Variants in KANSL3 observed in about 807,000 individuals in gnomAD.
The protein encoded by KANSL3 is NSL complex protein NSL3.
A neutral mutation model predicts 89.2 loss-of-function variants in KANSL3; 16 were observed. The ratio of observed to expected loss-of-function variants is 0.18; its 90% CI spans 0.12 to 0.27. The LOEUF is 0.27. Among genes scored for constraint, KANSL3 ranks in the 10% least tolerant of loss-of-function variants. The pLI, the probability that KANSL3 is intolerant of heterozygous loss-of-function variation, is 1.00. For missense variants in KANSL3, 879 were observed against 1,110.6 expected (o/e 0.79, Z 2.96); for synonymous variants, 385 against 419.7 (o/e 0.92, Z 1.01).
chr2:96,612,633 C>T, intron 7 of KANSL3, 70 bp from the exon 8 acceptor site: 2 of 1,378,962 alleles, frequency 1.5e-6, no homozygotes, highest in Non-Finnish European at 2.0e-6. Context: ...TTTAACCTAA[C>T]CTAAACCCAA....
intron 3 of KANSL3, among the ~76,000 whole-genome samples, chr2:96,627,255 C>T (rs1312517216): frequency 4.0e-5 from 6 of 151,656 alleles, no homozygotes; most frequent in Non-Finnish European, 7.4e-5. Flanking sequence ...TGCTCTGTTG[C>T]CCGGGCTGGA....
chr2:96,618,240 G>C (rs1426231344), intron 5 of KANSL3, among the ~76,000 whole-genome samples: 1 of 151,764 alleles, frequency 6.6e-6, no homozygotes, highest in African/African-American at 2.4e-5. Context: ...TTAGAGACAG[G>C]GACTCCCTCT....
the KANSL3 span, among the ~76,000 whole-genome samples, chr2:96,581,558 T>A: frequency 6.6e-6 from 1 of 152,196 alleles, no homozygotes; most frequent in African/African-American, 2.4e-5. Context: ...TGCTTCAACA[T>A]GCTGCTTTTT....
intron 3 of KANSL3, among the ~76,000 whole-genome samples, chr2:96,621,671 T>C (rs2105881159): frequency 6.6e-6 from 1 of 151,514 alleles, no homozygotes; most frequent in South Asian, 2.1e-4. Flanking sequence ...ATTTAAAAAG[T>C]ATAAACAAGG....
intron 3 of KANSL3, chr2:96,628,473 A>C (rs529933458): frequency 5.5e-6 from 1 of 182,580 alleles, no homozygotes; most frequent in Non-Finnish European, 1.2e-5. Context: ...AACATGGTGA[A>C]ACCCAATCTC....
At chr2:96,628,034 C>CTGTGGCAA in intron 3 of KANSL3, 1 of 1,290,384 alleles carries the variant, frequency 7.7e-7, no homozygotes, top group Non-Finnish European at 1.0e-6. Flanking sequence ...TTACATCAAT[C>CTGTGGCAA]TGTGGCAATG....
rs373054990 is a variant in KANSL3, at chr2:96,608,932, C to T, written c.1516G>A (p.Val506Ile). The change falls in exon 13 of 21, where the codon GTC becomes ATC. Residue 506 changes from valine to isoleucine, a missense_variant. Coordinates refer to ENST00000431828, the MANE Select transcript of KANSL3 (RefSeq NM_001115016.3). Reference protein sequence around the residue: ...DVARRDLAFEVPERGSRPASP... With the variant: ...DVARRDLAFEIPERGSRPASP... Reference sequence around the variant, plus strand: ...GCAGGTCGACTGCCCCGCTCAGGGACTTCAAAGGCCAAGTCTCTGCGGGCC... The same window carrying T: ...GCAGGTCGACTGCCCCGCTCAGGGATTTCAAAGGCCAAGTCTCTGCGGGCC... The T allele has an allele frequency of 1.9e-6, 3 of 1,569,724 alleles. No homozygotes were observed. The highest frequency in any genetic ancestry group is 2.6e-6 in the Non-Finnish European group (3 of 1,157,270).
intron 9 of KANSL3, among the ~76,000 whole-genome samples, chr2:96,611,622 C>T (rs745866753): frequency 2.0e-5 from 3 of 152,166 alleles, no homozygotes; most frequent in Non-Finnish European, 2.9e-5. Context: ...GACCTTCTTC[C>T]TCTCATAGCT....
At chr2:96,595,684 A>G (rs915579371) in intron 20 of KANSL3, 53 bp from the exon 21 acceptor site, 3 of 1,596,260 alleles carry the variant, frequency 1.9e-6, no homozygotes, top group African/African-American at 2.7e-5. Flanking sequence ...GGTTATCATC[A>G]TATTCAGACC....
At chr2:96,595,662 A>G in intron 20 of KANSL3, 31 bp from the exon 21 acceptor site, 1 of 1,613,112 alleles carries the variant, frequency 6.2e-7, no homozygotes, top group Non-Finnish European at 8.5e-7. Context: ...AAGAAGGGTC[A>G]AAGCTTTGAC....
the KANSL3 span, among the ~76,000 whole-genome samples, chr2:96,580,988 T>A: frequency 6.6e-6 from 1 of 152,214 alleles, no homozygotes; most frequent in African/African-American, 2.4e-5. Flanking sequence ...CTAGAAAACA[T>A]CTGGCTCTTT....
chr2:96,589,746 G>A (rs1178464772), downstream of KANSL3, among the ~76,000 whole-genome samples: 1 of 152,050 alleles, frequency 6.6e-6, no homozygotes, highest in African/African-American at 2.4e-5. Flanking sequence ...ACACATTTAA[G>A]CACCCACAGA....
At chr2:96,606,153 T>G (rs2067951309) in intron 14 of KANSL3, 4 of 151,536 alleles carry the variant, frequency 2.6e-5, no homozygotes, top group African/African-American at 4.9e-5. Flanking sequence ...GGAGAGAGAG[T>G]ACCTCAACCA....
chr2:96,621,795 A>G (rs974487775), intron 3 of KANSL3, among the ~76,000 whole-genome samples: 3 of 152,224 alleles, frequency 2.0e-5, no homozygotes, highest in Non-Finnish European at 4.4e-5. Flanking sequence ...AAGGCAGGTC[A>G]CAAAAGAAGT....
At chr2:96,635,536 T>C (rs1005247970) in intron 2 of KANSL3, among the ~76,000 whole-genome samples, 3 of 152,200 alleles carry the variant, frequency 2.0e-5, no homozygotes, top group Non-Finnish European at 4.4e-5. Context: ...CAACTACTAT[T>C]TAAAGGAGCT....
chr2:96,636,928 T>C lies in KANSL3; in HGVS notation c.208A>G (p.Ser70Gly). Reference sequence around the variant, plus strand: ...TTAGAAGCCCCAACTCACATGGTACTTTCGTGCTGCCGCCGGGGAGTGACA... The same window carrying C: ...TTAGAAGCCCCAACTCACATGGTACCTTCGTGCTGCCGCCGGGGAGTGACA... ...LFVTPRRQHE[S>G]TIESDVPIDV... The change falls in exon 2 of 21, where the codon AGT (serine) becomes GGT (glycine). Residue 70 changes from serine to glycine, a missense_variant. Transcript: ENST00000431828. 6.5e-7 allele frequency: 1 copy of C among 1,528,218 alleles called. No homozygotes were observed. The allele number at this position is 1,528,218 out of a possible 1,614,324, so 94.7% of individuals were successfully genotyped here. A position where few individuals can be genotyped will look rare whatever the true frequency, so the allele number is the denominator to read the frequency against.
intron 17 of KANSL3, 98 bp downstream of exon 17, chr2:96,604,152 C>G: frequency 7.2e-7 from 1 of 1,385,658 alleles, no homozygotes; most frequent in Non-Finnish European, 9.6e-7. Context: ...GAGGCCCATC[C>G]TATGGATTTA....
chr2:96,610,789 A>T lies in KANSL3; in HGVS notation c.1256T>A (p.Phe419Tyr). ...LQCHPEAMED[F>Y]REKIRAENSL... ...GTTCTCAGCTCGAATCTTCTCCCGG[A>T]AGTCCTCCATGGCTTCAGGGTGACA... The change falls in exon 11 of 21, where the codon TTC becomes TAC. Residue 419 changes from phenylalanine (F) to tyrosine (Y), a missense_variant. This residue lies in a region of KANSL3 where 198 missense variants were observed against 260.3 expected (regional missense o/e 0.76). Coordinates refer to ENST00000431828, the MANE Select transcript of KANSL3 (RefSeq NM_001115016.3). 1.2e-6 allele frequency: 2 copies of T among 1,614,000 alleles called. No individual in the cohort carries two copies. The highest frequency in any genetic ancestry group is 1.7e-6 in the Non-Finnish European group (2 of 1,179,882).
chr2:96,619,641 G>T, intron 4 of KANSL3, 31 bp downstream of exon 4: 1 of 1,589,078 alleles, frequency 6.3e-7, no homozygotes, highest in African/African-American at 1.3e-5. Flanking sequence ...ACTACGAAGA[G>T]CCCACTGTGG....
Sources: gnomAD v4.1 joint callset for allele counts (sites outside exome capture counted in the v4.1 genomes callset) on GRCh38, gnomAD v4.1.1 for gene constraint, gnomAD v4.1.1 regional missense constraint, MANE v1.5 for transcripts, NCBI Gene and HGNC (gene_info 2026-07-23, HGNC 2026-07-21) for gene names.